SMARCB1: variants seen among roughly 807,000 people sequenced by gnomAD.
The protein encoded by SMARCB1 is SWI/SNF related BAF chromatin remodeling complex subunit B1, also known as SWI/SNF-related matrix-associated actin-dependent regulator of chromatin subfamily B member 1.
A neutral mutation model predicts 49.0 loss-of-function variants in SMARCB1; 5 were observed. The observed-to-expected ratio is 0.10, with a 90% CI of 0.05 to 0.21. SMARCB1 has a LOEUF of 0.21. Among genes scored for constraint, SMARCB1 ranks in the 10% least tolerant of loss-of-function variants. The pLI is 1.00. For synonymous variants in SMARCB1, 201 were observed against 200.1 expected (o/e 1.00, Z -0.04); for missense variants, 226 against 509.2 (o/e 0.44, Z 5.35).
intron 6 of SMARCB1, among the ~76,000 whole-genome samples, chr22:23,820,313 G>A (rs954204605): frequency 6.6e-6 from 1 of 151,234 alleles, no homozygotes; most frequent in Admixed American, 6.6e-5. Context: ...AGTGGCTCAC[G>A]CCTGTAATCC....
In SMARCB1 at chr22:23,837,349, G is replaced by T; in HGVS notation, c.*3169G>T. 1 of 739,122 alleles carries T rather than the reference G, an allele frequency of 1.4e-6. No individual in the cohort carries two copies. The highest frequency in any genetic ancestry group is 2.2e-6 in the Non-Finnish European group (1 of 453,734). The allele number at this position is 739,122 out of a possible 1,614,324, so 45.8% of individuals were successfully genotyped here. A position where few individuals can be genotyped will look rare whatever the true frequency, so the allele number is the denominator to read the frequency against. ...GCTTAAAAGGCCCAGAAGCAGGCAG[G>T]ACCCAGGGAGGGGAGGGCCTGAGAA... is the stretch of plus-strand genomic sequence containing the variant. On this transcript the variant is annotated 3_prime_UTR_variant, in exon 9 of 9. Coordinates refer to ENST00000644036, the MANE Select transcript of SMARCB1 (RefSeq NM_003073.5).
chr22:23,797,791 G>A lies in SMARCB1; in HGVS notation c.363-3153G>A, dbSNP rs542540550. 3.7e-4 allele frequency among the ~76,000 whole-genome samples: 56 copies of A among 150,184 alleles called. 1 individual carries two copies. Among genetic ancestry groups the A allele is most frequent in the African/African-American group, 1.2e-3 (50 of 40,762 alleles). ...AGGCACCACACCTAGCTAATTTTTC[G>A]TAGTTTTAGTAGAGACGGGGTTTCA... is the stretch of plus-strand genomic sequence containing the variant. On this transcript the variant is annotated intron_variant, in intron 3 of 8. Coordinates refer to ENST00000644036, the MANE Select transcript of SMARCB1 (RefSeq NM_003073.5).
Position 23,836,973 on chromosome 22 carries a change from GGGCCCGTGTTGAGCACA to G in SMARCB1, c.*2798_*2814del, listed in dbSNP as rs759983083. On this transcript the variant is annotated 3_prime_UTR_variant, in exon 9 of 9. Coordinates refer to ENST00000644036, the MANE Select transcript of SMARCB1 (RefSeq NM_003073.5). ...TCCAGGAGCAGCTTTCTGTGGGGAG[GGGCCCGTGTTGAGCACA>G]GGCCAGCACAGGTCCCCATCGGTGG... 1 of 1,601,832 alleles carries G rather than the reference GGGCCCGTGTTGAGCACA, an allele frequency of 6.2e-7. No individual in the cohort carries two copies. The highest frequency in any genetic ancestry group is 8.5e-7 in the Non-Finnish European group (1 of 1,174,214).
chr22:23,813,282 A>G (rs1400772829), intron 5 of SMARCB1, among the ~76,000 whole-genome samples: 1 of 152,248 alleles, frequency 6.6e-6, no homozygotes, highest in Non-Finnish European at 1.5e-5. Flanking sequence ...GTTCTAGCTA[A>G]TCCAGTAAGC....
chr22:23,787,919 G>A (rs553173389), intron 1 of SMARCB1, among the ~76,000 whole-genome samples: 1 of 152,336 alleles, frequency 6.6e-6, no homozygotes, highest in South Asian at 2.1e-4. Flanking sequence ...AGGGGAAAGA[G>A]CCTAAGGATG....
chr22:23,812,611 G>T (rs1929947267), intron 5 of SMARCB1, among the ~76,000 whole-genome samples: 1 of 152,078 alleles, frequency 6.6e-6, no homozygotes, highest in South Asian at 2.1e-4. Flanking sequence ...GCAATATATA[G>T]AAATAATTAT....
At chr22:23,793,370 G>A in intron 2 of SMARCB1, 189 bp from the exon 3 acceptor site, 2 of 722,694 alleles carry the variant, frequency 2.8e-6, no homozygotes, top group Non-Finnish European at 5.0e-6. Flanking sequence ...CTACCCAGCA[G>A]GACTTGTAAG....
At position 23,803,379 on chromosome 22, in the gene SMARCB1, C is replaced by T. The variant is rs757546528; in HGVS notation, c.585C>T (p.Ile195=). 58 of 1,614,032 alleles carry T rather than the reference C, an allele frequency of 3.6e-5. No homozygotes were observed. Among genetic ancestry groups the T allele is most frequent in the African/African-American group, 1.2e-4 (9 of 74,940 alleles). The change falls in exon 5 of 9, where the codon ATC becomes ATT. Residue 195 remains isoleucine (I), a synonymous_variant. Coordinates refer to ENST00000644036, the MANE Select transcript of SMARCB1 (RefSeq NM_003073.5). ...VLVPIRLDME[I]DGQKLRDAFT... is the part of the protein sequence containing the mutation. ...TCCCCATCCGGCTGGACATGGAGATCGATGGGCAGAAGCTGCGAGACGCCT... is the reference window on the plus strand; with the variant it reads ...TCCCCATCCGGCTGGACATGGAGATTGATGGGCAGAAGCTGCGAGACGCCT...
chr22:23,812,549 T>C (rs1177036157), intron 5 of SMARCB1, among the ~76,000 whole-genome samples: 2 of 152,150 alleles, frequency 1.3e-5, no homozygotes, highest in Non-Finnish European at 2.9e-5. Flanking sequence ...ACCAATATCC[T>C]TTATGACTAA....
At chr22:23,825,630 G>A in intron 7 of SMARCB1, 2 of 580,774 alleles carry the variant, frequency 3.4e-6, no homozygotes, top group Non-Finnish European at 6.1e-6. Context: ...TAACACAATA[G>A]CTGGCAAAGA....
chr22:23,796,266 T>C (rs752779773), intron 3 of SMARCB1, among the ~76,000 whole-genome samples: 1 of 152,158 alleles, frequency 6.6e-6, no homozygotes, highest in Non-Finnish European at 1.5e-5. Flanking sequence ...CTGGAGAATA[T>C]GGAGTCGCTT....
intron 8 of SMARCB1, 67 bp from the exon 9 acceptor site, chr22:23,834,074 C>A: frequency 6.6e-7 from 1 of 1,521,814 alleles, no homozygotes; most frequent in Non-Finnish European, 8.9e-7. Context: ...CCTGTAGAGC[C>A]TTGGGAAGGG....
intron 3 of SMARCB1, among the ~76,000 whole-genome samples, chr22:23,796,787 G>A (rs1724118927): frequency 6.6e-6 from 1 of 152,180 alleles, no homozygotes; most frequent in Non-Finnish European, 1.5e-5. Flanking sequence ...AACAGCTGCA[G>A]GAGTGGAATC....
rs1439240297 is a variant in SMARCB1 at position 23,836,950 on chromosome 22, C to T, written c.*2770C>T. 1 of 1,592,366 alleles carries T rather than the reference C, an allele frequency of 6.3e-7. No homozygotes were observed. Among genetic ancestry groups the T allele is most frequent in the South Asian group, 1.1e-5 (1 of 87,954 alleles). ...AATTGGGGTCTTCTGCAGGGGCATC[C>T]AGGAGCAGCTTTCTGTGGGGAGGGG... On this transcript the variant is annotated 3_prime_UTR_variant, in exon 9 of 9. Coordinates refer to ENST00000644036, the MANE Select transcript of SMARCB1 (RefSeq NM_003073.5).
At chr22:23,791,628 C>T (rs778454273) in intron 1 of SMARCB1, 128 bp from the exon 2 acceptor site, 12 of 871,490 alleles carry the variant, frequency 1.4e-5, no homozygotes, top group East Asian at 4.8e-5. Flanking sequence ...TTAATGCTGC[C>T]GAAAGCGTGG....
At chr22:23,803,169 A>G in intron 4 of SMARCB1, 126 bp from the exon 5 acceptor site, 2 of 1,270,026 alleles carry the variant, frequency 1.6e-6, no homozygotes, top group Non-Finnish European at 2.3e-6. Flanking sequence ...CTCAGCTGTT[A>G]GCTGACAAGC....
At chr22:23,807,681 T>C (rs146181663) in intron 5 of SMARCB1, among the ~76,000 whole-genome samples, 2,287 of 151,192 alleles carry the variant, frequency 0.015, 35 homozygotes, top group South Asian at 0.023. Flanking sequence ...AGACACATCA[T>C]AATTAAACTT....
intron 5 of SMARCB1, chr22:23,816,441 G>A (rs1459106483): frequency 3.9e-6 from 2 of 512,372 alleles, no homozygotes; most frequent in Non-Finnish European, 7.1e-6. Context: ...AAGCTTTGAT[G>A]TGCCTTTGCT....
At chr22:23,799,379 A>G (rs1004051861) in intron 3 of SMARCB1, among the ~76,000 whole-genome samples, 1 of 151,798 alleles carries the variant, frequency 6.6e-6, no homozygotes, top group Non-Finnish European at 1.5e-5. Flanking sequence ...CCTGGGTTCA[A>G]GTGATTCTCA....
Sources: allele counts gnomAD v4.1 joint callset (sites outside exome capture counted in the v4.1 genomes callset), GRCh38; gene constraint gnomAD v4.1.1; transcripts MANE v1.5; gene names NCBI Gene and HGNC (gene_info 2026-07-23, HGNC 2026-07-21).